LARP4B: variants seen among roughly 807,000 people sequenced by gnomAD.
LARP4B encodes the protein la-related protein 4B.
In LARP4B, 12 loss-of-function variants were observed where a neutral mutation model predicts 89.8. The ratio of observed to expected loss-of-function variants is 0.13; its 90% confidence interval spans 0.09 to 0.22. LARP4B has a LOEUF of 0.22. Among genes scored for constraint, LARP4B ranks in the 10% least tolerant of loss-of-function variants. LARP4B has a pLI of 1.00. For synonymous variants in LARP4B, 367 were observed against 363.3 expected (o/e 1.01, Z -0.12); for missense variants, 757 against 947.7 (o/e 0.80, Z 2.64).
In LARP4B at chr10:810,778, T is replaced by C. The variant is rs1831718432; in HGVS notation, c.*2148A>G. Reference sequence around the variant, plus strand: ...GAGTTTGGGTTTCACAGATCAATTATTTCTGATTTTTTTTTTTTTTTTGGT... The same window carrying C: ...GAGTTTGGGTTTCACAGATCAATTACTTCTGATTTTTTTTTTTTTTTTGGT... On this transcript the variant is annotated 3_prime_UTR_variant, in exon 18 of 18. Transcript: ENST00000316157. 1 of 144,440 alleles carries C rather than the reference T, an allele frequency of 6.9e-6. No homozygotes were observed. The highest frequency in any genetic ancestry group is 2.5e-5 in the African/African-American group (1 of 39,896). 8.9% of individuals were successfully genotyped at this position (144,440 alleles called of 1,614,324 possible).
Position 813,003 on chromosome 10 carries a change from C to G in LARP4B, c.2140G>C (p.Gly714Arg), listed in dbSNP as rs1337319874. The G allele has an allele frequency of 6.3e-7, 1 of 1,592,810 alleles. No homozygotes were observed. Residue 714 changes from glycine (G) to arginine (R), a missense_variant, in exon 18 of 18, where the codon GGG becomes CGG. Transcript: ENST00000316157. The part of the protein sequence containing the change: ...GAPRDQRRPA[G>R]GRPSPSAMGK... ...ATGGCCGAGGGCGAGGGCCGGCCCCCCGCCGGCCGCCTCTGGTCTCTGGGG... is the reference window on the plus strand; with the variant it reads ...ATGGCCGAGGGCGAGGGCCGGCCCCGCGCCGGCCGCCTCTGGTCTCTGGGG...
the LARP4B span, among the ~76,000 whole-genome samples, chr10:963,240 T>C: frequency 3.9e-5 from 6 of 152,200 alleles, no homozygotes; most frequent in African/African-American, 1.4e-4. Flanking sequence ...GACAGAAGCA[T>C]GTCAAGTTCA....
At chr10:955,429 G>T in the LARP4B span, among the ~76,000 whole-genome samples, 2 of 152,216 alleles carry the variant, frequency 1.3e-5, no homozygotes, top group African/African-American at 4.8e-5. The surrounding 1 kb of genome is among the most constrained non-coding windows in gnomAD (Gnocchi z 5.2). Flanking sequence ...GGATTAGAAG[G>T]GTTTCTGGCA....
intron 1 of LARP4B, among the ~76,000 whole-genome samples, chr10:890,142 T>C (rs1835973622): frequency 6.6e-6 from 1 of 152,232 alleles, no homozygotes; most frequent in South Asian, 2.1e-4. Context: ...TTTAAAAGTG[T>C]AACTATTTTT....
At position 813,801 on chromosome 10, in the gene LARP4B, CTTT is replaced by C. The variant is rs35886091; in HGVS notation, c.1930-591_1930-589del. On this transcript the variant is annotated intron_variant, in intron 17 of 17. Transcript: ENST00000316157. ...AAAAGTAAAATATTTCCCTTAATAA[CTTT>C]TTTTTTTTTTTTTTTGAGACACAGT... 4.1e-3 allele frequency among the ~76,000 whole-genome samples: 562 copies of C among 136,254 alleles called. 6 individuals carry two copies. Among genetic ancestry groups the C allele is most frequent in the African/African-American group, 0.014 (526 of 37,756 alleles). The allele number at this position is 136,254 out of a possible 152,430, so 89.4% of individuals were successfully genotyped here. A position where few individuals can be genotyped will look rare whatever the true frequency, so the allele number is the denominator to read the frequency against.
Position 880,493 on chromosome 10 carries a change from T to A in LARP4B, c.141+3954A>T, listed in dbSNP as rs374551961. On this transcript the variant is annotated intron_variant, in intron 3 of 17. Transcript: ENST00000316157. ...CTTGAGGCCAGAGTTCGAGACCAGC[T>A]TGGGCAACATGGCGAAACCCCATCT... Among the ~76,000 whole-genome samples, 24 of 152,160 alleles carry A rather than the reference T, an allele frequency of 1.6e-4. No homozygotes were observed. The East Asian group carries it at 3.5e-3, about 22-fold the overall frequency.
At chr10:945,003 C>T in the LARP4B span, among the ~76,000 whole-genome samples, 3 of 152,118 alleles carry the variant, frequency 2.0e-5, no homozygotes, top group South Asian at 2.1e-4. Flanking sequence ...TAAAATGTTT[C>T]CAATTTTTTA....
intron 3 of LARP4B, among the ~76,000 whole-genome samples, chr10:864,930 G>A (rs1834821378): frequency 1.3e-5 from 2 of 151,984 alleles, no homozygotes; most frequent in South Asian, 2.1e-4. Flanking sequence ...CCAACCTGGG[G>A]GACAGAGCAG....
At chr10:976,836 A>G in the LARP4B span, among the ~76,000 whole-genome samples, 1 of 141,140 alleles carries the variant, frequency 7.1e-6, no homozygotes, top group Admixed American at 7.1e-5. Context: ...TAGGCCTGTC[A>G]TGTAACGTGT....
At position 825,792 on chromosome 10, in the gene LARP4B, A is replaced by C. The variant is rs893050321; in HGVS notation, c.1204T>G (p.Ser402Ala). The C allele has an allele frequency of 6.2e-7, 1 of 1,613,814 alleles. No homozygotes were observed. Reference protein sequence around the residue: ...AFKPAASPLTSLRQYPPRSRN... With the variant: ...AFKPAASPLTALRQYPPRSRN... ...CTTCGAGGAGGATACTGTCTGAGAG[A>C]AGTCAGAGGAGACGCCGCAGGCTTG... is the stretch of plus-strand genomic sequence containing the variant. Residue 402 changes from serine (S) to alanine (A), a missense_variant, in exon 12 of 18, where the codon TCT (serine) becomes GCT (alanine). Around this residue, in one of 5 missense-constraint regions of LARP4B, gnomAD observed 137 missense variants for 213.9 expected, o/e 0.64. Coordinates refer to ENST00000316157, the MANE Select transcript of LARP4B (RefSeq NM_015155.3).
At chr10:849,024 G>A (rs765328922) in intron 5 of LARP4B, among the ~76,000 whole-genome samples, 10 of 152,270 alleles carry the variant, frequency 6.6e-5, no homozygotes, top group African/African-American at 2.2e-4. Context: ...GAGAAACGGC[G>A]GCAGACTGCC....
chr10:839,111 G>A (rs1833383577), intron 7 of LARP4B, among the ~76,000 whole-genome samples: 1 of 152,204 alleles, frequency 6.6e-6, no homozygotes, highest in African/African-American at 2.4e-5. Context: ...ACTGGGGGAG[G>A]CAGGGATGCA....
chr10:825,335 T>A lies in LARP4B; in HGVS notation c.1233-19A>T. 1 of 1,610,926 alleles carries A rather than the reference T, an allele frequency of 6.2e-7. No individual in the cohort carries two copies. The highest frequency in any genetic ancestry group is 8.5e-7 in the Non-Finnish European group (1 of 1,178,174). On this transcript the variant is annotated intron_variant, in intron 12 of 17. Transcript: ENST00000316157. The stretch of plus-strand genomic sequence containing the variant: ...AGGATTCCTGTAAATAAAAATGGTT[T>A]TATGTGTTGAGTTATAAAATGATCA...
the LARP4B span, among the ~76,000 whole-genome samples, chr10:968,358 TTAGAGA>T: frequency 6.6e-6 from 1 of 151,652 alleles, no homozygotes; most frequent in Non-Finnish European, 1.5e-5. Flanking sequence ...AAAATAGTTC[TTAGAGA>T]TAGTTTCCAA....
At chr10:980,979 C>G in the LARP4B span, among the ~76,000 whole-genome samples, 1 of 152,224 alleles carries the variant, frequency 6.6e-6, no homozygotes, top group Non-Finnish European at 1.5e-5. Context: ...TTTGCTCCCC[C>G]ATCTGAGGTA....
the LARP4B span, among the ~76,000 whole-genome samples, chr10:945,278 G>T: frequency 4.0e-3 from 602 of 152,006 alleles, 5 homozygotes; most frequent in African/African-American, 0.014. Context: ...CAGCTATTCA[G>T]GAGGCTGAGG....
chr10:890,586 G>T (rs12769873), intron 1 of LARP4B, among the ~76,000 whole-genome samples: 24,069 of 152,158 alleles, frequency 0.16, 2,070 homozygotes, highest in Non-Finnish European at 0.19. Flanking sequence ...TAACTAACTT[G>T]TAGAAGACAC....
At chr10:912,201 C>T (rs1564443280) in intron 1 of LARP4B, among the ~76,000 whole-genome samples, 1 of 151,968 alleles carries the variant, frequency 6.6e-6, no homozygotes, top group Non-Finnish European at 1.5e-5. Flanking sequence ...TCAAGGGTGT[C>T]CAATCTTTGG....
chr10:968,736 G>A, the LARP4B span, among the ~76,000 whole-genome samples: 1 of 152,352 alleles, frequency 6.6e-6, no homozygotes, highest in South Asian at 2.1e-4. Flanking sequence ...TGGCAACATC[G>A]GGAGGAAATG....
Sources: allele counts gnomAD v4.1 joint callset (sites outside exome capture counted in the v4.1 genomes callset), GRCh38; gene constraint gnomAD v4.1.1; regional missense constraint gnomAD v4.1.1; non-coding constraint Gnocchi (gnomAD v3.1); transcripts MANE v1.5; gene names NCBI Gene and HGNC (gene_info 2026-07-23, HGNC 2026-07-21).